The following PCDH15 variants were observed in gnomAD, a reference collection of about 807,000 sequenced individuals.
PCDH15 encodes protocadherin related 15, also known as protocadherin-15.
PCDH15 carries 129 observed loss-of-function variants against 178.5 expected under a neutral mutation model. The ratio of observed to expected loss-of-function variants is 0.72; its 90% CI spans 0.63 to 0.84. The LOEUF (loss-of-function observed/expected upper bound fraction) is 0.84, where lower values mean the gene tolerates loss of function less well. Ranked by LOEUF, PCDH15 falls within the 40% of genes least tolerant of loss-of-function variation. The pLI is 0.00. For missense variants in PCDH15, 2,230 were observed against 2,099.9 expected, an observed-to-expected ratio of 1.06 and a Z score of -1.21; for synonymous variants, 800 against 732.0, an observed-to-expected ratio of 1.09 and a Z score of -1.50.
chr10:54,023,513 G>GA (rs1383224733), intron 18 of PCDH15, among the ~76,000 whole-genome samples: 2 of 148,696 alleles, frequency 1.3e-5, no homozygotes, highest in African/African-American at 4.9e-5. Flanking sequence ...TCTAAAGTGA[G>GA]AAAAAATTTT....
intron 3 of PCDH15, among the ~76,000 whole-genome samples, chr10:54,424,374 G>A (rs951613213): frequency 6.6e-6 from 1 of 151,838 alleles, no homozygotes; most frequent in Non-Finnish European, 1.5e-5. Flanking sequence ...TGCTGGAGAG[G>A]ATATGGAGAA....
intron 1 of PCDH15, among the ~76,000 whole-genome samples, chr10:55,201,587 C>T (rs1162770118): frequency 1.3e-5 from 2 of 152,122 alleles, no homozygotes; most frequent in Non-Finnish European, 2.9e-5. Flanking sequence ...GTTGTGGATG[C>T]TTTGGCAGAA....
chr10:54,085,250 A>G (rs910891930), intron 16 of PCDH15, among the ~76,000 whole-genome samples: 25 of 152,226 alleles, frequency 1.6e-4, no homozygotes, highest in African/African-American at 4.8e-4. Context: ...AAACAAATTA[A>G]TCACCAAAGA....
At chr10:55,320,113 C>G (rs956312358), upstream of PCDH15, among the ~76,000 whole-genome samples, 3 of 152,160 alleles carry the variant, frequency 2.0e-5, no homozygotes, top group Non-Finnish European at 4.4e-5. Context: ...TGCCAGCATG[C>G]ACTTGCCCAC....
At chr10:54,175,298 A>G (rs955283617) in intron 13 of PCDH15, among the ~76,000 whole-genome samples, 1 of 152,228 alleles carries the variant, frequency 6.6e-6, no homozygotes, top group East Asian at 1.9e-4. Flanking sequence ...AGACATTAAA[A>G]TACGATGTAG....
At chr10:54,050,615 G>T (rs1911389) in intron 18 of PCDH15, among the ~76,000 whole-genome samples, 128,930 of 151,774 alleles carry the variant, frequency 0.85, 55,204 homozygotes, top group African/African-American at 0.96. Flanking sequence ...AAGGGGTTTT[G>T]TTTGTTTGTT....
chr10:55,071,730 C>G (rs908442156), intron 2 of PCDH15, among the ~76,000 whole-genome samples: 1 of 152,194 alleles, frequency 6.6e-6, no homozygotes, highest in Non-Finnish European at 1.5e-5. Context: ...TTGAACTCAT[C>G]TCTGCACCAA....
At chr10:54,481,895 G>A (rs532378989) in intron 3 of PCDH15, among the ~76,000 whole-genome samples, 5 of 151,876 alleles carry the variant, frequency 3.3e-5, no homozygotes, top group South Asian at 2.1e-4. Flanking sequence ...TCCAAAGCAA[G>A]TCAGTCTGTA....
chr10:55,191,029 T>C (rs1225813723), intron 1 of PCDH15, among the ~76,000 whole-genome samples: 2 of 151,598 alleles, frequency 1.3e-5, no homozygotes, highest in Non-Finnish European at 3.0e-5. Flanking sequence ...ATATTTGGGG[T>C]TTTTTAAGAG....
At chr10:55,355,095 T>C (rs1426026540) in intron 2 of PCDH15, among the ~76,000 whole-genome samples, 1 of 152,050 alleles carries the variant, frequency 6.6e-6, no homozygotes, top group Non-Finnish European at 1.5e-5. Context: ...CCATTCATTT[T>C]TATTTCTGGG....
intron 2 of PCDH15, among the ~76,000 whole-genome samples, chr10:54,651,824 T>C (rs1264219327): frequency 1.3e-5 from 2 of 152,210 alleles, no homozygotes; most frequent in African/African-American, 2.4e-5. Context: ...TTCTGCCTAA[T>C]AGGTGAATAT....
Position 54,220,250 on chromosome 10 carries a change from T to C in PCDH15, c.986-6202A>G, listed in dbSNP as rs138417769. On this transcript the variant is annotated intron_variant, in intron 9 of 37. Coordinates refer to ENST00000644397, the MANE Select transcript of PCDH15 (RefSeq NM_001384140.1). Reference sequence around the variant, plus strand: ...ACTACGGTGAAAATGTTATAATCTCTTTATTTGTAAATGATCTATCTCATC... The same window carrying C: ...ACTACGGTGAAAATGTTATAATCTCCTTATTTGTAAATGATCTATCTCATC... Among the ~76,000 whole-genome samples the C allele has an allele frequency of 6.2e-4, 95 of 152,304 alleles. 1 individual carries two copies. Among genetic ancestry groups the C allele is most frequent in the African/African-American group, 2.2e-3 (93 of 41,578 alleles).
intron 8 of PCDH15, among the ~76,000 whole-genome samples, chr10:54,258,965 T>A (rs12761142): frequency 0.58 from 88,371 of 151,984 alleles, 27,828 homozygotes; most frequent in Middle Eastern, 0.71. Flanking sequence ...AGCAAATAAG[T>A]TTTTTTCCAT....
chr10:54,294,061 A>G (rs927904896), intron 8 of PCDH15, among the ~76,000 whole-genome samples: 10 of 152,234 alleles, frequency 6.6e-5, no homozygotes, highest in Non-Finnish European at 1.5e-4. Context: ...AAGACTTGGA[A>G]CCAACCCAAA....
chr10:55,519,285 T>TAAAA (rs34476517), intron 2 of PCDH15, among the ~76,000 whole-genome samples: 54 of 134,162 alleles, frequency 4.0e-4, no homozygotes, highest in Admixed American at 5.2e-4. Context: ...ATGCTGAGTG[T>TAAAA]AAAAAAAAAA....
intron 1 of PCDH15, among the ~76,000 whole-genome samples, chr10:55,218,133 C>T (rs1052405509): frequency 6.6e-5 from 10 of 151,904 alleles, no homozygotes; most frequent in African/African-American, 2.4e-4. Context: ...TTAAAATAGG[C>T]ATGTGTGTTT....
chr10:54,059,519 T>C (rs980816453), intron 18 of PCDH15, among the ~76,000 whole-genome samples: 3 of 152,348 alleles, frequency 2.0e-5, no homozygotes, highest in African/African-American at 4.8e-5. Context: ...TTCTTACATA[T>C]ACACATGCGC....
At position 55,424,577 on chromosome 10, in the gene PCDH15, C is replaced by T. The variant is rs529697041; in HGVS notation, c.-156+203048G>A. Reference sequence around the variant, plus strand: ...ACACTTTCCAGGCTACAGACAAATGCTGCCTTTTCTCATTTGCTACATGTC... The same window carrying T: ...ACACTTTCCAGGCTACAGACAAATGTTGCCTTTTCTCATTTGCTACATGTC... On this transcript the variant is annotated intron_variant, in intron 2 of 5. Coordinates refer to the PCDH15 transcript ENST00000613346. Among the ~76,000 whole-genome samples the T allele has an allele frequency of 1.7e-4, 26 of 152,226 alleles. No individual in the cohort carries two copies. In the South Asian group the frequency reaches 5.2e-3, roughly 30 times the overall value.
At chr10:55,117,716 G>GA (rs1416935035) in intron 2 of PCDH15, among the ~76,000 whole-genome samples, 1 of 152,102 alleles carries the variant, frequency 6.6e-6, no homozygotes, top group African/African-American at 2.4e-5. Flanking sequence ...TGTGAGGCAA[G>GA]AAAATCTAAA....
Sources: gnomAD v4.1 joint callset for allele counts (sites outside exome capture counted in the v4.1 genomes callset) on GRCh38, gnomAD v4.1.1 for gene constraint, MANE v1.5 for transcripts, NCBI Gene and HGNC (gene_info 2026-07-23, HGNC 2026-07-21) for gene names.